BCKDHB: variants seen among roughly 807,000 people sequenced by gnomAD.
The protein encoded by BCKDHB is branched chain keto acid dehydrogenase E1 subunit beta.
A neutral mutation model predicts 48.5 loss-of-function variants in BCKDHB; 41 were observed. That is an observed-to-expected ratio of 0.85 (90% CI 0.66 to 1.10). The LOEUF is 1.10. Among genes scored for constraint, BCKDHB ranks in the 50% least tolerant of loss-of-function variants. The probability of loss-of-function intolerance (pLI) is 0.00; values close to 1 mark genes in which losing one functional copy is unlikely to be tolerated. For synonymous variants in BCKDHB, 201 were observed against 174.8 expected, an observed-to-expected ratio of 1.15 and a Z score of -1.18; for missense variants, 496 against 494.2, an observed-to-expected ratio of 1.00 and a Z score of -0.03.
At chr6:80,294,205 A>G (rs1179908154) in intron 9 of BCKDHB, among the ~76,000 whole-genome samples, 1 of 152,158 alleles carries the variant, frequency 6.6e-6, no homozygotes, top group Non-Finnish European at 1.5e-5. Flanking sequence ...AATTGTGAAG[A>G]TTTCATGGAC....
At chr6:80,417,140 A>T in the BCKDHB span, among the ~76,000 whole-genome samples, 4 of 152,204 alleles carry the variant, frequency 2.6e-5, no homozygotes, top group East Asian at 7.7e-4. Flanking sequence ...GTTGGTGTAA[A>T]GACTGTTTTG....
chr6:80,225,045 A>T (rs1259250696), intron 8 of BCKDHB, among the ~76,000 whole-genome samples: 2 of 152,128 alleles, frequency 1.3e-5, no homozygotes, highest in Non-Finnish European at 2.9e-5. Flanking sequence ...TCCCTCTTGT[A>T]TGTAACTTGC....
chr6:80,388,440 T>C, the BCKDHB span, among the ~76,000 whole-genome samples: 2 of 152,138 alleles, frequency 1.3e-5, no homozygotes, highest in African/African-American at 4.8e-5. Flanking sequence ...TGAGCTTTGG[T>C]AGAAACTAGA....
intron 3 of BCKDHB, among the ~76,000 whole-genome samples, chr6:80,148,988 A>C (rs1282162036): frequency 6.6e-6 from 1 of 152,222 alleles, no homozygotes; most frequent in Non-Finnish European, 1.5e-5. Flanking sequence ...ATTAAACTAA[A>C]GAGCTTCTGC....
chr6:80,170,040 C>A (rs2127777386), intron 5 of BCKDHB: 3 of 679,444 alleles, frequency 4.4e-6, no homozygotes, highest in South Asian at 1.3e-4. Flanking sequence ...CTTCCTCTTC[C>A]TTTTTCCTTT....
chr6:80,253,442 G>A lies in BCKDHB; in HGVS notation c.952-19693G>A, dbSNP rs74958285. Among the ~76,000 whole-genome samples the A allele has an allele frequency of 9.0e-4, 137 of 152,236 alleles. 1 individual carries two copies. The highest frequency in any genetic ancestry group is 6.8e-3 in the Middle Eastern group (2 of 294). On this transcript the variant is annotated intron_variant, in intron 8 of 9. Transcript: ENST00000320393. ...GTGCACACATGCTGTTTAATCATGC[G>A]TCGGGCTTTCTGGAGAGAGTTTTAT...
chr6:80,232,842 C>G (rs965549518), intron 8 of BCKDHB, among the ~76,000 whole-genome samples: 1 of 151,128 alleles, frequency 6.6e-6, no homozygotes, highest in African/African-American at 2.4e-5. Flanking sequence ...TTATGGCAAG[C>G]ATATTAAAAA....
chr6:80,129,773 T>C (rs953603164), intron 3 of BCKDHB, among the ~76,000 whole-genome samples: 1 of 152,136 alleles, frequency 6.6e-6, no homozygotes, highest in Non-Finnish European at 1.5e-5. Context: ...TTCTTTTTGC[T>C]CGGGAACCTG....
At chr6:80,216,323 A>G (rs1191849260) in intron 8 of BCKDHB, among the ~76,000 whole-genome samples, 1 of 152,174 alleles carries the variant, frequency 6.6e-6, no homozygotes, top group African/African-American at 2.4e-5. Flanking sequence ...AACATATTTT[A>G]TCATATGTCA....
At chr6:80,284,466 T>A (rs1252015520) in intron 9 of BCKDHB, among the ~76,000 whole-genome samples, 1 of 109,480 alleles carries the variant, frequency 9.1e-6, no homozygotes, top group East Asian at 2.7e-4. Flanking sequence ...GTTTGATCAT[T>A]TTCTTTCAAG....
chr6:80,432,193 G>A, the BCKDHB span, among the ~76,000 whole-genome samples: 1 of 151,908 alleles, frequency 6.6e-6, no homozygotes, highest in Non-Finnish European at 1.5e-5. Flanking sequence ...TTCTTGAGGT[G>A]TTCTCTGTAT....
intron 9 of BCKDHB, among the ~76,000 whole-genome samples, chr6:80,334,153 C>T (rs1019651230): frequency 2.4e-4 from 36 of 152,168 alleles, no homozygotes; most frequent in Middle Eastern, 3.4e-3. Flanking sequence ...GTATAAAATA[C>T]TAACCAAATT....
Position 80,147,567 on chromosome 6 carries a change from G to C in BCKDHB, c.343+18338G>C, listed in dbSNP as rs150987868. On this transcript the variant is annotated intron_variant, in intron 3 of 9. Coordinates refer to ENST00000320393, the MANE Select transcript of BCKDHB (RefSeq NM_183050.4). ...TTAAATTGTAATTTAAAACATAACT[G>C]TGGTCACAGTGTAGAGAAGCTGAGA... Among the ~76,000 whole-genome samples the C allele has an allele frequency of 1.7e-3, 265 of 152,272 alleles. 1 individual carries two copies. The highest frequency in any genetic ancestry group is 6.0e-3 in the African/African-American group (251 of 41,560).
chr6:80,433,918 T>G, the BCKDHB span, among the ~76,000 whole-genome samples: 1 of 152,228 alleles, frequency 6.6e-6, no homozygotes, highest in South Asian at 2.1e-4. Context: ...TGGCCATTAT[T>G]TCTTTAAATA....
chr6:80,406,988 G>C, the BCKDHB span, among the ~76,000 whole-genome samples: 15 of 152,230 alleles, frequency 9.9e-5, no homozygotes, highest in Non-Finnish European at 1.9e-4. Context: ...TATGGTTTTA[G>C]GTCTTACATT....
chr6:80,372,945 A>G, the BCKDHB span, among the ~76,000 whole-genome samples: 1 of 152,066 alleles, frequency 6.6e-6, no homozygotes, highest in African/African-American at 2.4e-5. Flanking sequence ...TTTTGGTATT[A>G]AGGTGATACT....
At chr6:80,400,588 G>A in the BCKDHB span, among the ~76,000 whole-genome samples, 4 of 152,180 alleles carry the variant, frequency 2.6e-5, no homozygotes, top group African/African-American at 9.6e-5. Flanking sequence ...TGGTGAGGTT[G>A]TGCAGAAAAG....
intron 8 of BCKDHB, among the ~76,000 whole-genome samples, chr6:80,244,401 T>C (rs897505459): frequency 6.6e-6 from 1 of 152,240 alleles, no homozygotes; most frequent in African/African-American, 2.4e-5. Flanking sequence ...TAATATTCCA[T>C]AGAGATTCTA....
chr6:80,252,887 T>A (rs1397732709), intron 8 of BCKDHB, among the ~76,000 whole-genome samples: 1 of 152,124 alleles, frequency 6.6e-6, no homozygotes, highest in African/African-American at 2.4e-5. Context: ...TTCTGTATAG[T>A]CTAGATTTCT....
Sources: gnomAD v4.1 joint callset for allele counts (sites outside exome capture counted in the v4.1 genomes callset) on GRCh38, gnomAD v4.1.1 for gene constraint, MANE v1.5 for transcripts, NCBI Gene and HGNC (gene_info 2026-07-23, HGNC 2026-07-21) for gene names.